CCSER1: variants seen among roughly 807,000 people sequenced by gnomAD.
CCSER1 encodes serine-rich coiled-coil domain-containing protein 1.
In CCSER1, 41 loss-of-function variants were observed where a neutral mutation model predicts 82.0. That is an observed-to-expected ratio of 0.50 (90% confidence interval 0.39 to 0.65). CCSER1 has a LOEUF of 0.65. Ranked by LOEUF, CCSER1 falls within the 30% of genes least tolerant of loss-of-function variation. The pLI is 0.00. For missense variants in CCSER1, 1,119 were observed against 1,064.2 expected, an observed-to-expected ratio of 1.05 and a Z score of -0.72; for synonymous variants, 414 against 383.9, an observed-to-expected ratio of 1.08 and a Z score of -0.92.
chr4:90,254,105 C>A (rs1490131578), intron 1 of CCSER1, among the ~76,000 whole-genome samples: 1 of 152,142 alleles, frequency 6.6e-6, no homozygotes, highest in Non-Finnish European at 1.5e-5. Context: ...TGTTATATTT[C>A]TTGCTTTCAT....
At chr4:91,228,283 A>G (rs929191098) in intron 10 of CCSER1, among the ~76,000 whole-genome samples, 27 of 152,140 alleles carry the variant, frequency 1.8e-4, no homozygotes, top group African/African-American at 5.3e-4. Context: ...ATTTTTCTAA[A>G]GAAGTACGTA....
intron 3 of CCSER1, among the ~76,000 whole-genome samples, chr4:90,381,722 G>A (rs1410785923): frequency 6.6e-6 from 1 of 152,062 alleles, no homozygotes; most frequent in Non-Finnish European, 1.5e-5. Flanking sequence ...TCATGAGAAT[G>A]AAGGGTTGAT....
chr4:91,138,163 T>A, intron 10 of CCSER1, among the ~76,000 whole-genome samples: 1 of 23,890 alleles, frequency 4.2e-5, no homozygotes, highest in Non-Finnish European at 1.0e-4. Flanking sequence ...GCTGGAGGCA[T>A]CACACTACCT....
At position 91,555,492 on chromosome 4, in the gene CCSER1, T is replaced by A. The variant is rs932744046; in HGVS notation, c.2218-43080T>A. On this transcript the variant is annotated intron_variant, in intron 10 of 10. Coordinates refer to ENST00000509176, the MANE Select transcript of CCSER1 (RefSeq NM_001145065.2). ...AATCAATCAACTAGCAGTACTCTGA[T>A]TAGTTGTATTAATTATGGTCTTATA... Among the ~76,000 whole-genome samples, 30 of 151,248 alleles carry A rather than the reference T, an allele frequency of 2.0e-4. 1 individual carries two copies. Among genetic ancestry groups the A allele is most frequent in the African/African-American group, 6.8e-4 (28 of 41,308 alleles).
chr4:90,557,125 C>T (rs1778241446), intron 5 of CCSER1, among the ~76,000 whole-genome samples: 1 of 151,696 alleles, frequency 6.6e-6, no homozygotes, highest in Non-Finnish European at 1.5e-5. Flanking sequence ...TTTATAACTT[C>T]CAGTGTTTCA....
At chr4:90,760,058 A>C (rs1488668997) in intron 7 of CCSER1, among the ~76,000 whole-genome samples, 1 of 151,998 alleles carries the variant, frequency 6.6e-6, no homozygotes, top group Non-Finnish European at 1.5e-5. Flanking sequence ...TTTTAGTTTC[A>C]CTATGAAGAA....
At chr4:90,782,519 T>A (rs2149616647) in intron 7 of CCSER1, among the ~76,000 whole-genome samples, 1 of 152,144 alleles carries the variant, frequency 6.6e-6, no homozygotes, top group South Asian at 2.1e-4. Flanking sequence ...GGGAAAGCAG[T>A]TATGAATATT....
chr4:91,599,505 G>A lies in CCSER1; in HGVS notation c.*448G>A, dbSNP rs1488780877. ...TTTTAAATTATATAATTAATAGAAG[G>A]AGGAAAAAAGAGAAATGTTAACGTC... On this transcript the variant is annotated 3_prime_UTR_variant, in exon 11 of 11. Transcript: ENST00000509176. 6.6e-6 allele frequency: 1 copy of A among 151,990 alleles called. No individual in the cohort carries two copies. The highest frequency in any genetic ancestry group is 2.4e-5 in the African/African-American group (1 of 41,388). The allele number at this position is 151,990 out of a possible 1,614,324, so 9.4% of individuals were successfully genotyped here.
chr4:90,387,818 G>A (rs1316343827), intron 3 of CCSER1, among the ~76,000 whole-genome samples: 1 of 152,130 alleles, frequency 6.6e-6, no homozygotes, highest in African/African-American at 2.4e-5. Flanking sequence ...TACCCTATGT[G>A]TCTTTTCCCT....
intron 8 of CCSER1, among the ~76,000 whole-genome samples, chr4:90,818,062 A>G (rs1239800163): frequency 1.3e-5 from 2 of 152,078 alleles, no homozygotes; most frequent in Non-Finnish European, 2.9e-5. Context: ...GACCACTGTT[A>G]TTATCACAAG....
At chr4:90,546,653 AC>A (rs978236871) in intron 5 of CCSER1, among the ~76,000 whole-genome samples, 14 of 152,238 alleles carry the variant, frequency 9.2e-5, no homozygotes, top group African/African-American at 3.4e-4. Context: ...AAAATGAGTG[AC>A]TTTTAATAAA....
chr4:91,352,701 G>T (rs886593840), intron 10 of CCSER1, among the ~76,000 whole-genome samples: 1 of 152,184 alleles, frequency 6.6e-6, no homozygotes, highest in Non-Finnish European at 1.5e-5. Flanking sequence ...AGTGACATAT[G>T]TAATTATGTT....
intron 3 of CCSER1, among the ~76,000 whole-genome samples, chr4:90,357,777 T>C (rs139326020): frequency 6.6e-6 from 1 of 152,156 alleles, no homozygotes; most frequent in African/African-American, 2.4e-5. Context: ...TTCTATCCAA[T>C]TGAAATGATT....
At chr4:91,598,512 G>C in intron 10 of CCSER1, 60 bp from the exon 11 acceptor site, 2 of 1,458,020 alleles carry the variant, frequency 1.4e-6, no homozygotes, top group Non-Finnish European at 1.8e-6. Flanking sequence ...ACTCTGTATT[G>C]TATGTATGCT....
At chr4:90,533,783 T>G (rs1774935125) in intron 5 of CCSER1, among the ~76,000 whole-genome samples, 1 of 151,648 alleles carries the variant, frequency 6.6e-6, no homozygotes, top group Admixed American at 6.6e-5. Flanking sequence ...CATTGTATTT[T>G]TATTTATTTA....
At chr4:90,287,176 T>C (rs1283762085) in intron 1 of CCSER1, among the ~76,000 whole-genome samples, 1 of 151,602 alleles carries the variant, frequency 6.6e-6, no homozygotes, top group African/African-American at 2.4e-5. Flanking sequence ...CAAAAAAGCA[T>C]CACCTTGGGT....
rs573940087 is a variant in CCSER1, at chr4:90,991,898, A to T, written c.2172+68451A>T. ...CCTACTTACTGCAATCTGGCTTTGG[A>T]TGTTACTACCATTGACAGTTCTGGA... On this transcript the variant is annotated intron_variant, in intron 9 of 10. Transcript: ENST00000509176. 2.6e-4 allele frequency among the ~76,000 whole-genome samples: 39 copies of T among 152,110 alleles called. No individual in the cohort carries two copies. The South Asian group carries it at 7.7e-3, about 30-fold the overall frequency.
chr4:90,973,607 C>T (rs1581239152), intron 9 of CCSER1, among the ~76,000 whole-genome samples: 1 of 151,744 alleles, frequency 6.6e-6, no homozygotes, highest in Middle Eastern at 3.4e-3. Flanking sequence ...ATGGAGATTC[C>T]TCCAAAAGTT....
intron 6 of CCSER1, among the ~76,000 whole-genome samples, chr4:90,666,129 C>T (rs1320608071): frequency 6.6e-6 from 1 of 152,034 alleles, no homozygotes; most frequent in Non-Finnish European, 1.5e-5. Flanking sequence ...CCCCCCTCTG[C>T]CACATCACTT....
Sources: gnomAD v4.1 joint callset for allele counts (sites outside exome capture counted in the v4.1 genomes callset) on GRCh38, gnomAD v4.1.1 for gene constraint, MANE v1.5 for transcripts, NCBI Gene and HGNC (gene_info 2026-07-23, HGNC 2026-07-21) for gene names.